UVRAG: variants seen among roughly 807,000 people sequenced by gnomAD.
UVRAG encodes UV radiation resistance associated, also known as UV radiation resistance-associated gene protein.
In UVRAG, 19 loss-of-function variants were observed where a neutral mutation model predicts 78.0. The observed-to-expected ratio is 0.24, with a 90% CI of 0.17 to 0.36. The LOEUF (loss-of-function observed/expected upper bound fraction) is 0.36, where lower values mean the gene tolerates loss of function less well. Among genes scored for constraint, UVRAG ranks in the 10% least tolerant of loss-of-function variants. The pLI, the probability that UVRAG is intolerant of heterozygous loss-of-function variation, is 1.00. For synonymous variants in UVRAG, 323 were observed against 324.6 expected (o/e 1.00, Z 0.05); for missense variants, 740 against 853.8 (o/e 0.87, Z 1.66).
chr11:75,922,395 A>G (rs1167005268), intron 6 of UVRAG, among the ~76,000 whole-genome samples: 1 of 152,084 alleles, frequency 6.6e-6, no homozygotes, highest in Non-Finnish European at 1.5e-5. Flanking sequence ...ATTTATATTT[A>G]GTAATATATC....
intron 7 of UVRAG, among the ~76,000 whole-genome samples, chr11:75,964,730 G>A (rs181203071): frequency 3.5e-4 from 54 of 152,276 alleles, no homozygotes; most frequent in Admixed American, 1.0e-3. Flanking sequence ...GTGAAACCCC[G>A]TTTCTACTGA....
Position 75,912,351 on chromosome 11 carries a change from G to T in UVRAG, c.593+312G>T, listed in dbSNP as rs551374549. ...ACAGTAATCAAAGTTGCAAAAGTTA[G>T]ACTTATCAAAGTCTTAACAACTGCG... On this transcript the variant is annotated intron_variant, in intron 6 of 14. Transcript: ENST00000356136. Among the ~76,000 whole-genome samples, 3 of 152,302 alleles carry T rather than the reference G, an allele frequency of 2.0e-5. No individual in the cohort carries two copies. In the East Asian group the frequency reaches 5.8e-4, roughly 29 times the overall value.
chr11:76,039,747 C>T (rs1483223091), intron 12 of UVRAG, among the ~76,000 whole-genome samples: 1 of 152,114 alleles, frequency 6.6e-6, no homozygotes, highest in Non-Finnish European at 1.5e-5. Context: ...TGGGGGTGGG[C>T]ACCTGTAGTC....
chr11:76,087,823 A>G (rs976364088), intron 13 of UVRAG, among the ~76,000 whole-genome samples: 2 of 152,050 alleles, frequency 1.3e-5, no homozygotes, highest in African/African-American at 4.8e-5. Context: ...TATCCTCTGA[A>G]CCCTGATACT....
chr11:75,885,163 A>AAT (rs1401427755), intron 4 of UVRAG, among the ~76,000 whole-genome samples: 1 of 151,990 alleles, frequency 6.6e-6, no homozygotes, highest in Admixed American at 6.6e-5. Context: ...TATATGTAGA[A>AAT]ATATATATCT....
intron 13 of UVRAG, among the ~76,000 whole-genome samples, chr11:76,079,704 A>G (rs1483210887): frequency 1.2e-4 from 18 of 152,146 alleles, no homozygotes; most frequent in Admixed American, 1.2e-3. Flanking sequence ...TCATATACTT[A>G]CCCTCACAAT....
intron 5 of UVRAG, chr11:75,911,644 C>A: frequency 4.4e-6 from 1 of 225,932 alleles, no homozygotes. Context: ...TTGTCTTCCT[C>A]CATGGCTGGG....
intron 1 of UVRAG, among the ~76,000 whole-genome samples, chr11:75,840,472 TAAG>T (rs1945885663): frequency 6.6e-6 from 1 of 152,050 alleles, no homozygotes; most frequent in African/African-American, 2.4e-5. Flanking sequence ...AGGGTAGAAA[TAAG>T]AAACCCACAG....
chr11:75,859,508 TAAAC>T (rs1415012470), intron 2 of UVRAG, among the ~76,000 whole-genome samples: 6 of 151,988 alleles, frequency 3.9e-5, no homozygotes, highest in East Asian at 1.9e-4. Flanking sequence ...CAATAAAACT[TAAAC>T]AATAACAATA....
chr11:75,947,087 CACCCTATG>C (rs1189425506), intron 6 of UVRAG, among the ~76,000 whole-genome samples: 1 of 152,024 alleles, frequency 6.6e-6, no homozygotes, highest in Non-Finnish European at 1.5e-5. Context: ...CTTTTGAGGC[CACCCTATG>C]ACCTCATCAA....
chr11:76,061,601 C>G (rs755604422), intron 12 of UVRAG, among the ~76,000 whole-genome samples: 1 of 151,690 alleles, frequency 6.6e-6, no homozygotes, highest in Non-Finnish European at 1.5e-5. Flanking sequence ...ACTCCAGACG[C>G]GCCACCTTAA....
At chr11:76,002,132 C>T (rs946756079) in intron 8 of UVRAG, among the ~76,000 whole-genome samples, 1 of 152,034 alleles carries the variant, frequency 6.6e-6, no homozygotes. Context: ...CTTGAGTATA[C>T]CATTGCATCA....
chr11:75,965,577 A>G (rs1591070763), intron 7 of UVRAG, among the ~76,000 whole-genome samples: 1 of 152,298 alleles, frequency 6.6e-6, no homozygotes, highest in African/African-American at 2.4e-5. Flanking sequence ...GGCCTCCCAA[A>G]GTGCTGGGAT....
chr11:75,963,117 T>C (rs558290389), intron 7 of UVRAG, among the ~76,000 whole-genome samples: 1 of 152,340 alleles, frequency 6.6e-6, no homozygotes, highest in African/African-American at 2.4e-5. Flanking sequence ...TTTCCTGCTT[T>C]ATTCTGTATA....
chr11:75,925,990 T>C (rs745899694), intron 6 of UVRAG, among the ~76,000 whole-genome samples: 32 of 152,184 alleles, frequency 2.1e-4, no homozygotes, highest in Admixed American at 5.2e-4. Context: ...GTGACATTCT[T>C]TTCTCTTGTT....
intron 6 of UVRAG, among the ~76,000 whole-genome samples, chr11:75,952,840 A>C (rs1216385437): frequency 6.6e-6 from 1 of 152,010 alleles, no homozygotes; most frequent in East Asian, 1.9e-4. Flanking sequence ...TCTTGGAAAG[A>C]TTTTTGATGC....
intron 14 of UVRAG, among the ~76,000 whole-genome samples, chr11:76,138,375 A>G (rs1952637119): frequency 6.6e-6 from 1 of 152,126 alleles, no homozygotes; most frequent in Non-Finnish European, 1.5e-5. Context: ...CTCATCTTCC[A>G]CGGGGCTCAG....
chr11:75,949,646 A>C (rs1019990401), intron 6 of UVRAG, among the ~76,000 whole-genome samples: 29 of 151,178 alleles, frequency 1.9e-4, no homozygotes, highest in Middle Eastern at 3.5e-3. Flanking sequence ...ACCAGCAAAC[A>C]TTCTTTTCTT....
chr11:76,034,563 G>A (rs145919417), intron 12 of UVRAG, among the ~76,000 whole-genome samples: 4 of 152,024 alleles, frequency 2.6e-5, no homozygotes, highest in Admixed American at 2.0e-4. Flanking sequence ...ATGTTTCTCT[G>A]TACCTAGCTT....
Sources: allele counts gnomAD v4.1 joint callset (sites outside exome capture counted in the v4.1 genomes callset), GRCh38; gene constraint gnomAD v4.1.1; transcripts MANE v1.5; gene names NCBI Gene and HGNC (gene_info 2026-07-23, HGNC 2026-07-21).